IGF2BP2: variants seen among roughly 807,000 people sequenced by gnomAD.
IGF2BP2 encodes insulin-like growth factor 2 mRNA-binding protein 2.
A neutral mutation model predicts 75.8 loss-of-function variants in IGF2BP2; 17 were observed. That is an observed-to-expected ratio of 0.22 (90% CI 0.15 to 0.34). IGF2BP2 has a LOEUF of 0.34. Among genes scored for constraint, IGF2BP2 ranks in the 10% least tolerant of loss-of-function variants. The pLI, the probability that IGF2BP2 is intolerant of heterozygous loss-of-function variation, is 1.00. For synonymous variants in IGF2BP2, 288 were observed against 295.6 expected (o/e 0.97, Z 0.26); for missense variants, 516 against 772.4 (o/e 0.67, Z 3.93).
chr3:185,810,788 A>C (rs1739706886), intron 2 of IGF2BP2, among the ~76,000 whole-genome samples: 3 of 152,144 alleles, frequency 2.0e-5, no homozygotes, highest in East Asian at 1.9e-4. Flanking sequence ...AAAAACAACA[A>C]AAAACAAAAA....
chr3:185,679,932 C>T lies in IGF2BP2; in HGVS notation c.813-4019G>A, dbSNP rs1373927444. Among the ~76,000 whole-genome samples the T allele has an allele frequency of 2.6e-5, 4 of 152,104 alleles. No homozygotes were observed. In the East Asian group the frequency reaches 5.8e-4, roughly 22 times the overall value. On this transcript the variant is annotated intron_variant, in intron 7 of 15. Transcript: ENST00000382199. Reference sequence around the variant, plus strand: ...ACCCGGCCCCATCCTTTTATTTCAACTTGAAAAGAACTAAACCCAAAACCA... The same window carrying T: ...ACCCGGCCCCATCCTTTTATTTCAATTTGAAAAGAACTAAACCCAAAACCA...
At chr3:185,701,180 T>C (rs1195641624) in intron 2 of IGF2BP2, among the ~76,000 whole-genome samples, 4 of 152,090 alleles carry the variant, frequency 2.6e-5, no homozygotes, top group East Asian at 1.9e-4. Context: ...TCCTCCCACG[T>C]TGGCCTCCCA....
chr3:185,708,143 G>A (rs1724316819), intron 2 of IGF2BP2, among the ~76,000 whole-genome samples: 1 of 152,186 alleles, frequency 6.6e-6, no homozygotes, highest in African/African-American at 2.4e-5. Flanking sequence ...GAGCTGATGA[G>A]TCCCTTGTCT....
At chr3:185,698,623 GC>G (rs1722897232) in intron 2 of IGF2BP2, among the ~76,000 whole-genome samples, 1 of 151,970 alleles carries the variant, frequency 6.6e-6, no homozygotes, top group African/African-American at 2.4e-5. Flanking sequence ...TCCTGCCTCA[GC>G]CTCCCAAATA....
chr3:185,646,635 C>T (rs1298215380), intron 15 of IGF2BP2, among the ~76,000 whole-genome samples: 1 of 152,158 alleles, frequency 6.6e-6, no homozygotes, highest in Non-Finnish European at 1.5e-5. Flanking sequence ...AGTGCTCAGG[C>T]TTTCAGGGAG....
At chr3:185,679,802 G>A (rs950487365) in intron 7 of IGF2BP2, among the ~76,000 whole-genome samples, 3 of 152,064 alleles carry the variant, frequency 2.0e-5, no homozygotes, top group African/African-American at 7.2e-5. Context: ...TTTTAGTAGA[G>A]ATGAGGTTTC....
At chr3:185,712,840 CTTACAAATCAAAAAACAATG>C (rs1725007911) in intron 2 of IGF2BP2, among the ~76,000 whole-genome samples, 1 of 152,036 alleles carries the variant, frequency 6.6e-6, no homozygotes, top group African/African-American at 2.4e-5. Context: ...AATTGGATGG[CTTACAAATCAAAAAACAATG>C]GGTTTGTGAC....
intron 2 of IGF2BP2, among the ~76,000 whole-genome samples, chr3:185,705,635 T>A (rs919435186): frequency 6.6e-6 from 1 of 152,188 alleles, no homozygotes; most frequent in African/African-American, 2.4e-5. Flanking sequence ...CTCCATAGAC[T>A]GAGGTTATAA....
intron 12 of IGF2BP2, among the ~76,000 whole-genome samples, chr3:185,653,197 T>C (rs1249827663): frequency 6.6e-6 from 1 of 152,164 alleles, no homozygotes; most frequent in Non-Finnish European, 1.5e-5. Flanking sequence ...TGAGCAGGCA[T>C]TTTTGTTAGA....
At chr3:185,780,917 T>C (rs1285490800) in intron 2 of IGF2BP2, among the ~76,000 whole-genome samples, 7 of 152,144 alleles carry the variant, frequency 4.6e-5, no homozygotes, top group Admixed American at 3.9e-4. Context: ...TGATTCCAAG[T>C]CCTCTATCAT....
In IGF2BP2 at chr3:185,652,268, G is replaced by T; in HGVS notation, c.1387-100C>A. The T allele has an allele frequency of 4.0e-6, 4 of 999,434 alleles. No homozygotes were observed. In the East Asian group the frequency reaches 1.0e-4, roughly 26 times the overall value. The allele number at this position is 999,434 out of a possible 1,614,324, so 61.9% of individuals were successfully genotyped here. A position where few individuals can be genotyped will look rare whatever the true frequency, so the allele number is the denominator to read the frequency against. On this transcript the variant is annotated intron_variant, in intron 12 of 15. Coordinates refer to ENST00000382199, the MANE Select transcript of IGF2BP2 (RefSeq NM_006548.6). ...GCAAGCATACCAGCAGGAGGTTCCAGGTCTTGCTTCTGCCGTTACCCCTGG... is the reference window on the plus strand; with the variant it reads ...GCAAGCATACCAGCAGGAGGTTCCATGTCTTGCTTCTGCCGTTACCCCTGG...
chr3:185,696,360 T>A (rs1722579564), intron 4 of IGF2BP2: 5 of 477,264 alleles, frequency 1.0e-5, no homozygotes, highest in African/African-American at 1.9e-5. Flanking sequence ...TTGAGCACAC[T>A]GCACAGTATA....
At chr3:185,773,524 T>C (rs1196493280) in intron 2 of IGF2BP2, among the ~76,000 whole-genome samples, 1 of 152,220 alleles carries the variant, frequency 6.6e-6, no homozygotes, top group Non-Finnish European at 1.5e-5. Flanking sequence ...AAATTCAGTG[T>C]TTATGCTTAA....
intron 10 of IGF2BP2, among the ~76,000 whole-genome samples, chr3:185,665,311 CAGAAGGAGA>C (rs1717199256): frequency 1.1e-4 from 1 of 9,510 alleles, no homozygotes; most frequent in African/African-American, 5.1e-4. Flanking sequence ...GGAGAAGGAG[CAGAAGGAGA>C]AGGAGGAGGA....
At chr3:185,774,228 A>C (rs1257677549) in intron 2 of IGF2BP2, among the ~76,000 whole-genome samples, 2 of 152,184 alleles carry the variant, frequency 1.3e-5, no homozygotes, top group Non-Finnish European at 2.9e-5. Flanking sequence ...CAGGGCTTGC[A>C]TGGTTTCAAT....
intron 10 of IGF2BP2, among the ~76,000 whole-genome samples, chr3:185,668,566 G>A (rs1718039568): frequency 6.8e-6 from 1 of 147,076 alleles, no homozygotes; most frequent in Admixed American, 6.8e-5. Context: ...TGGGAATTCT[G>A]TGTATGACAA....
rs1741855962 is a variant in IGF2BP2 at position 185,825,026 on chromosome 3, T to G, written c.-66A>C. On this transcript the variant is annotated 5_prime_UTR_variant, in exon 1 of 16. Coordinates refer to ENST00000382199, the MANE Select transcript of IGF2BP2 (RefSeq NM_006548.6). The stretch of plus-strand genomic sequence containing the variant: ...ACCCGGCGCTCCTCGCCTCCTCCGC[T>G]GCCCTCGTCTCTCCTCCTCCTCCGC... The G allele has an allele frequency of 5.4e-6, 7 of 1,302,484 alleles. No homozygotes were observed. The African/African-American group carries it at 9.2e-5, about 17-fold the overall frequency. The allele number at this position is 1,302,484 out of a possible 1,614,324, so 80.7% of individuals were successfully genotyped here. A position where few individuals can be genotyped will look rare whatever the true frequency, so the allele number is the denominator to read the frequency against.
rs1360424697 is a variant in IGF2BP2, at chr3:185,665,372, AGAAGGAGGAGGAG to A, written c.1201-6976_1201-6964del. On this transcript the variant is annotated intron_variant, in intron 10 of 15. Coordinates refer to ENST00000382199, the MANE Select transcript of IGF2BP2 (RefSeq NM_006548.6). ...GAGGAGGAGGAGAAGGAGGAGGAGGAGAAGGAGGAGGAGGAGAAGGAGGAGGAGGAGAAGGAAA... is the reference window on the plus strand; with the variant it reads ...GAGGAGGAGGAGAAGGAGGAGGAGGAGAGAAGGAGGAGGAGGAGAAGGAAA... Among the ~76,000 whole-genome samples, 81 of 139,206 alleles carry A rather than the reference AGAAGGAGGAGGAG, an allele frequency of 5.8e-4. 1 individual carries two copies. The highest frequency in any genetic ancestry group is 1.9e-3 in the African/African-American group (72 of 37,004). The allele number at this position is 139,206 out of a possible 152,430, so 91.3% of individuals were successfully genotyped here.
At chr3:185,697,734 T>C (rs1011437401) in intron 3 of IGF2BP2, among the ~76,000 whole-genome samples, 2 of 152,090 alleles carry the variant, frequency 1.3e-5, no homozygotes. Context: ...AAAATCTTTT[T>C]AAAAATCATG....
Sources: gnomAD v4.1 joint callset for allele counts (sites outside exome capture counted in the v4.1 genomes callset) on GRCh38, gnomAD v4.1.1 for gene constraint, MANE v1.5 for transcripts, NCBI Gene and HGNC (gene_info 2026-07-23, HGNC 2026-07-21) for gene names.